The following ASCC1 variants were observed in gnomAD, a reference collection of about 807,000 sequenced individuals.
The protein encoded by ASCC1 is activating signal cointegrator 1 complex subunit 1.
Under a neutral mutation model 46.6 loss-of-function variants are expected in ASCC1, and 35 were observed. The observed-to-expected ratio is 0.75, with a 90% CI of 0.57 to 0.99. The LOEUF (loss-of-function observed/expected upper bound fraction) is 0.99, where lower values mean the gene tolerates loss of function less well. Among genes scored for constraint, ASCC1 ranks in the 50% least tolerant of loss-of-function variants. The pLI is 0.00. For missense variants in ASCC1, 376 were observed against 428.7 expected, an observed-to-expected ratio of 0.88 and a Z score of 1.09; for synonymous variants, 143 against 146.6, an observed-to-expected ratio of 0.98 and a Z score of 0.18.
chr10:72,169,540 C>CA (rs959833380), intron 5 of ASCC1, among the ~76,000 whole-genome samples: 52 of 151,194 alleles, frequency 3.4e-4, no homozygotes, highest in African/African-American at 1.1e-3. Context: ...CTTATTTTTA[C>CA]AAAAAAAACA....
At chr10:72,178,908 T>G (rs931458883) in intron 5 of ASCC1, among the ~76,000 whole-genome samples, 12 of 152,044 alleles carry the variant, frequency 7.9e-5, no homozygotes, top group African/African-American at 2.7e-4. Context: ...AAAAAAGAAA[T>G]AAACATTAAT....
chr10:72,178,150 A>T (rs1852092599), intron 5 of ASCC1, among the ~76,000 whole-genome samples: 3 of 152,336 alleles, frequency 2.0e-5, no homozygotes, highest in African/African-American at 7.2e-5. Context: ...GATCAGAAGG[A>T]TAGAATGAGA....
At chr10:72,199,816 C>T (rs891886870) in intron 4 of ASCC1, among the ~76,000 whole-genome samples, 21 of 152,120 alleles carry the variant, frequency 1.4e-4, no homozygotes, top group African/African-American at 4.8e-5. Context: ...ACTGTAGCCT[C>T]GACTTTCCCA....
Position 72,196,919 on chromosome 10 carries a change from A to G in ASCC1, c.381T>C (p.Phe127=), listed in dbSNP as rs778442657. The G allele has an allele frequency of 2.5e-6, 4 of 1,613,586 alleles. No individual in the cohort carries two copies. In the Admixed American group the frequency reaches 6.7e-5, roughly 27 times the overall value. Residue 127 remains phenylalanine (F), a synonymous_variant, in exon 5 of 10, where the codon TTT becomes TTC. Transcript: ENST00000672957. ...RTRIDVLLDT[F]RRKQPFTHFL... ...AGTGAGTGAAGGGCTGCTTTCTTCG[A>G]AAAGTGTCCAAAAGAACATCAATCC...
chr10:72,210,156 T>C (rs923175264), intron 3 of ASCC1, among the ~76,000 whole-genome samples: 2 of 144,460 alleles, frequency 1.4e-5, no homozygotes, highest in Non-Finnish European at 2.9e-5. Context: ...GAAACCTCTT[T>C]TCTTTTTTTT....
At chr10:72,164,501 G>A (rs1850098120) in intron 5 of ASCC1, among the ~76,000 whole-genome samples, 1 of 152,176 alleles carries the variant, frequency 6.6e-6, no homozygotes. Context: ...ATATTTTAGT[G>A]TATGTATGTA....
intron 9 of ASCC1, among the ~76,000 whole-genome samples, chr10:72,098,505 A>G (rs1045076449): frequency 2.0e-5 from 3 of 152,238 alleles, no homozygotes; most frequent in African/African-American, 7.2e-5. Context: ...GATTACAGGC[A>G]TTAGCCACCA....
At chr10:72,179,987 A>G (rs1247540114) in intron 5 of ASCC1, among the ~76,000 whole-genome samples, 1 of 152,236 alleles carries the variant, frequency 6.6e-6, no homozygotes, top group East Asian at 1.9e-4. Flanking sequence ...AAATACTTTA[A>G]AAGAACCGGC....
chr10:72,144,040 T>C (rs1035986931), intron 7 of ASCC1, among the ~76,000 whole-genome samples: 51 of 151,952 alleles, frequency 3.4e-4, no homozygotes, highest in Admixed American at 7.9e-4. Context: ...TGCCCACACG[T>C]GATCTTGGCT....
chr10:72,214,726 C>T (rs1270270179), intron 1 of ASCC1, among the ~76,000 whole-genome samples: 2 of 151,894 alleles, frequency 1.3e-5, no homozygotes, highest in African/African-American at 4.8e-5. Context: ...ATATTTAATA[C>T]ACTTAACCAT....
chr10:72,199,647 G>A (rs1034746773), intron 4 of ASCC1, among the ~76,000 whole-genome samples: 1 of 152,072 alleles, frequency 6.6e-6, no homozygotes, highest in African/African-American at 2.4e-5. Flanking sequence ...TGTTAGCCAG[G>A]ATGGTCTCAA....
At position 72,161,682 on chromosome 10, in the gene ASCC1, C is replaced by T; in HGVS notation, c.490-8G>A. 1 of 1,613,940 alleles carries T rather than the reference C, an allele frequency of 6.2e-7. No individual in the cohort carries two copies. The highest frequency in any genetic ancestry group is 2.2e-5 in the East Asian group (1 of 44,876). The stretch of plus-strand genomic sequence containing the variant: ...GCTGTCAACCCCATGATCCTGTTAT[C>T]AAAGAGAGAAAAACAAGAAACTCAG... On this transcript the variant is annotated splice_region_variant and splice_polypyrimidine_tract_variant and intron_variant, in intron 5 of 9. Transcript: ENST00000672957.
intron 4 of ASCC1, chr10:72,198,797 C>G: frequency 2.4e-6 from 1 of 408,832 alleles, no homozygotes; most frequent in South Asian, 1.8e-5. Context: ...TACTTTACTT[C>G]TCTACAAGAT....
intron 5 of ASCC1, among the ~76,000 whole-genome samples, chr10:72,166,064 A>C (rs1850297942): frequency 6.6e-6 from 1 of 152,230 alleles, no homozygotes; most frequent in Admixed American, 6.5e-5. Flanking sequence ...CACTGCTAGG[A>C]AGAGATGAGG....
upstream of ASCC1, chr10:72,216,773 A>G (rs1284287847): frequency 6.6e-6 from 3 of 455,522 alleles, no homozygotes; most frequent in Admixed American, 7.1e-5. Context: ...GTGTCCACAA[A>G]GCATCGTTAC....
chr10:72,096,653 G>A lies in ASCC1; in HGVS notation c.*681C>T. On this transcript the variant is annotated 3_prime_UTR_variant, in exon 10 of 10. Coordinates refer to ENST00000672957, the MANE Select transcript of ASCC1 (RefSeq NM_001198800.3). ...TAGCACTACTCCCAATAGTCAAGAG[G>A]AAGCAAGCCAAGTGTTCACTGATGG... is the stretch of plus-strand genomic sequence containing the variant. 2.2e-6 allele frequency: 1 copy of A among 454,128 alleles called. No homozygotes were observed. Among genetic ancestry groups the A allele is most frequent in the Non-Finnish European group, 4.4e-6 (1 of 226,786 alleles). The allele number at this position is 454,128 out of a possible 1,614,324, so 28.1% of individuals were successfully genotyped here.
intron 7 of ASCC1, among the ~76,000 whole-genome samples, chr10:72,140,455 T>G (rs999493865): frequency 1.3e-5 from 2 of 152,172 alleles, no homozygotes; most frequent in African/African-American, 4.8e-5. Context: ...TGATGAAAGA[T>G]TTTTAAGCAA....
At chr10:72,132,723 T>A (rs568759263) in intron 8 of ASCC1, among the ~76,000 whole-genome samples, 1 of 151,968 alleles carries the variant, frequency 6.6e-6, no homozygotes, top group African/African-American at 2.4e-5. Context: ...TCCTTTCTTT[T>A]TTCTCTTTAA....
At chr10:72,176,819 C>T (rs915922130) in intron 5 of ASCC1, among the ~76,000 whole-genome samples, 14 of 152,232 alleles carry the variant, frequency 9.2e-5, no homozygotes, top group Admixed American at 9.2e-4. Context: ...GAATACCTCA[C>T]AAGTGACATT....
Sources: allele counts gnomAD v4.1 joint callset (sites outside exome capture counted in the v4.1 genomes callset), GRCh38; gene constraint gnomAD v4.1.1; transcripts MANE v1.5; gene names NCBI Gene and HGNC (gene_info 2026-07-23, HGNC 2026-07-21).